GSTO1: variants seen among roughly 807,000 people sequenced by gnomAD.
The protein encoded by GSTO1 is glutathione S-transferase omega-1.
A neutral mutation model predicts 23.8 loss-of-function variants in GSTO1; 27 were observed. The observed-to-expected ratio is 1.13, with a 90% CI of 0.83 to 1.56. The LOEUF is 1.56. Ranked by LOEUF, GSTO1 falls within the 40% of genes most tolerant of loss-of-function variation. GSTO1 has a pLI of 0.00. For missense variants in GSTO1, 255 were observed against 285.8 expected (o/e 0.89, Z 0.78); for synonymous variants, 105 against 109.3 (o/e 0.96, Z 0.25).
chr10:104,257,030 A>G (rs2011104248), intron 2 of GSTO1, among the ~76,000 whole-genome samples: 1 of 152,150 alleles, frequency 6.6e-6, no homozygotes, highest in African/African-American at 2.4e-5. Flanking sequence ...AAATCCTCAA[A>G]TGAAATGCTG....
intron 2 of GSTO1, among the ~76,000 whole-genome samples, chr10:104,258,862 T>C (rs1033528161): frequency 2.0e-5 from 3 of 152,058 alleles, no homozygotes; most frequent in Non-Finnish European, 4.4e-5. Context: ...ATTAAAAAAA[T>C]AGACATTTCT....
intron 1 of GSTO1, 44 bp downstream of exon 1, chr10:104,255,006 CCGG>C (rs11509435): frequency 0.27 from 428,677 of 1,574,656 alleles, 61,750 homozygotes; most frequent in Middle Eastern, 0.32. Flanking sequence ...TCGGCGACCC[CCGG>C]CGGCATGTTC....
intron 4 of GSTO1, among the ~76,000 whole-genome samples, chr10:104,264,589 T>C (rs2011164227): frequency 6.6e-6 from 1 of 152,360 alleles, no homozygotes; most frequent in South Asian, 2.1e-4. Flanking sequence ...CAAATGATTG[T>C]CATCTGTTTA....
intron 4 of GSTO1, among the ~76,000 whole-genome samples, chr10:104,265,112 A>G (rs2135066281): frequency 6.6e-6 from 1 of 152,362 alleles, no homozygotes; most frequent in South Asian, 2.1e-4. Flanking sequence ...TGCATTTTAT[A>G]TTGAAAAGTT....
At chr10:104,254,225 T>C (rs2091590528), upstream of GSTO1, 3 of 152,580 alleles carry the variant, frequency 2.0e-5, no homozygotes, top group Admixed American at 1.3e-4. Context: ...CTTTGTCCCA[T>C]ACTTGGGAAG....
At chr10:104,259,839 G>GT (rs148539567) in intron 3 of GSTO1, 41 bp downstream of exon 3, 95 of 1,344,926 alleles carry the variant, frequency 7.1e-5, no homozygotes, top group Non-Finnish European at 8.9e-5. Context: ...TGAAAAACCT[G>GT]TTTTTTAAAG....
intron 3 of GSTO1, 63 bp from the exon 4 acceptor site, chr10:104,262,916 T>C (rs2135062059): frequency 2.7e-6 from 2 of 737,470 alleles, no homozygotes; most frequent in East Asian, 5.0e-5. Flanking sequence ...ACCATATTTT[T>C]ATGTGAGGGG....
At chr10:104,266,456 G>A (rs1394482919) in intron 5 of GSTO1, among the ~76,000 whole-genome samples, 1 of 152,212 alleles carries the variant, frequency 6.6e-6, no homozygotes, top group East Asian at 1.9e-4. Flanking sequence ...CCCATAAGGG[G>A]AAGGATATGG....
At chr10:104,260,577 C>T (rs2011130602) in intron 3 of GSTO1, among the ~76,000 whole-genome samples, 1 of 152,140 alleles carries the variant, frequency 6.6e-6, no homozygotes, top group Non-Finnish European at 1.5e-5. Context: ...ACTGTTTGTA[C>T]CTTACTTAGC....
intron 2 of GSTO1, among the ~76,000 whole-genome samples, chr10:104,256,766 T>C (rs2091604808): frequency 6.6e-6 from 1 of 151,910 alleles, no homozygotes; most frequent in African/African-American, 2.4e-5. Context: ...TCATGTGTGT[T>C]CTGACATACT....
intron 3 of GSTO1, among the ~76,000 whole-genome samples, chr10:104,262,549 TA>T (rs933056403): frequency 3.3e-5 from 5 of 152,110 alleles, no homozygotes; most frequent in African/African-American, 1.2e-4. Context: ...CCATCTCTAC[TA>T]AAAATACAAA....
intron 3 of GSTO1, among the ~76,000 whole-genome samples, chr10:104,262,739 C>T (rs955691746): frequency 4.6e-5 from 7 of 152,110 alleles, no homozygotes; most frequent in East Asian, 1.9e-4. Context: ...GTTTCTTAAA[C>T]GTGCCAGGGT....
At chr10:104,255,119 C>G (rs763414781) in intron 1 of GSTO1, 44 bp from the exon 2 acceptor site, 1 of 1,514,494 alleles carries the variant, frequency 6.6e-7, no homozygotes, top group Admixed American at 1.7e-5. Context: ...CGGGGGGTCT[C>G]GACACCTCTC....
intron 2 of GSTO1, among the ~76,000 whole-genome samples, 182 bp downstream of exon 2, chr10:104,255,453 C>T (rs879429960): frequency 6.6e-6 from 1 of 152,134 alleles, no homozygotes; most frequent in Non-Finnish European, 1.5e-5. Context: ...GAAAAATAGG[C>T]CACAGATTCC....
intron 3 of GSTO1, among the ~76,000 whole-genome samples, chr10:104,261,453 G>A (rs966274982): frequency 1.3e-5 from 2 of 152,032 alleles, no homozygotes; most frequent in African/African-American, 4.8e-5. Flanking sequence ...CTTCTCTCCT[G>A]GGAACTTGGA....
intron 5 of GSTO1, among the ~76,000 whole-genome samples, chr10:104,266,800 A>G (rs927865079): frequency 4.6e-5 from 7 of 151,940 alleles, no homozygotes; most frequent in African/African-American, 1.7e-4. Context: ...TTGTACGACC[A>G]GTGTTACCTC....
At chr10:104,255,554 T>C (rs2091599158) in intron 2 of GSTO1, among the ~76,000 whole-genome samples, 1 of 152,242 alleles carries the variant, frequency 6.6e-6, no homozygotes, top group African/African-American at 2.4e-5. Flanking sequence ...TGCCCGGTAA[T>C]AACCGGCAGC....
intron 5 of GSTO1, among the ~76,000 whole-genome samples, 167 bp from the exon 6 acceptor site, chr10:104,267,085 T>C (rs17116758): frequency 0.074 from 11,277 of 152,272 alleles, 1,400 homozygotes; most frequent in African/African-American, 0.26. Flanking sequence ...GGGACCTCTA[T>C]AGTGTCTTTC....
chr10:104,267,378 C>T lies in GSTO1; in HGVS notation c.699C>T (p.Ser233=). ...TCCTAGAGCTCTACTTACAGAACAGCCCTGAGGCCTGTGACTATGGGCTCT... is the reference window on the plus strand; with the variant it reads ...TCCTAGAGCTCTACTTACAGAACAGTCCTGAGGCCTGTGACTATGGGCTCT... ...QGFLELYLQN[S]PEACDYGL is the part of the protein sequence containing the mutation. Residue 233 remains serine, a synonymous_variant, in exon 6 of 6, where the codon AGC becomes AGT. Coordinates refer to ENST00000369713, the MANE Select transcript of GSTO1 (RefSeq NM_004832.3). 1 of 1,613,100 alleles carries T rather than the reference C, an allele frequency of 6.2e-7. No homozygotes were observed. Among genetic ancestry groups the T allele is most frequent in the Non-Finnish European group, 8.5e-7 (1 of 1,179,430 alleles).
Sources: allele counts gnomAD v4.1 joint callset (sites outside exome capture counted in the v4.1 genomes callset), GRCh38; gene constraint gnomAD v4.1.1; transcripts MANE v1.5; gene names NCBI Gene and HGNC (gene_info 2026-07-23, HGNC 2026-07-21).